PRDM6: variants seen among roughly 807,000 people sequenced by gnomAD.
PRDM6 encodes the protein putative histone-lysine N-methyltransferase PRDM6.
PRDM6 carries 25 observed loss-of-function variants against 60.8 expected under a neutral mutation model. The ratio of observed to expected loss-of-function variants is 0.41; its 90% confidence interval spans 0.30 to 0.57. The LOEUF (loss-of-function observed/expected upper bound fraction) is 0.57, where lower values mean the gene tolerates loss of function less well. Ranked by LOEUF, PRDM6 falls within the 20% of genes least tolerant of loss-of-function variation. PRDM6 has a pLI of 0.27. For missense variants in PRDM6, 839 were observed against 821.3 expected, an observed-to-expected ratio of 1.02 and a Z score of -0.26; for synonymous variants, 407 against 357.4, an observed-to-expected ratio of 1.14 and a Z score of -1.57.
At chr5:123,093,388 A>G (rs1234132848) in intron 2 of PRDM6, among the ~76,000 whole-genome samples, 1 of 152,088 alleles carries the variant, frequency 6.6e-6, no homozygotes, top group African/African-American at 2.4e-5. Context: ...TCACCTTGAA[A>G]CTTTATTGGC....
At chr5:123,160,670 T>A (rs1765609790) in intron 5 of PRDM6, among the ~76,000 whole-genome samples, 1 of 152,240 alleles carries the variant, frequency 6.6e-6, no homozygotes, top group African/African-American at 2.4e-5. Flanking sequence ...CATTTTGTCT[T>A]TAATTTCTTT....
chr5:123,168,491 T>C (rs1364981636), intron 5 of PRDM6, among the ~76,000 whole-genome samples: 1 of 152,228 alleles, frequency 6.6e-6, no homozygotes, highest in African/African-American at 2.4e-5. Context: ...CTGGACCTTC[T>C]TGGGACTCGG....
Position 123,099,907 on chromosome 5 carries a change from G to A in PRDM6, c.846G>A (p.Leu282=), listed in dbSNP as rs1400741767. Residue 282 remains leucine, a synonymous_variant, in exon 3 of 8, where the codon CTG becomes CTA. Transcript: ENST00000407847. This position sits in a 1 kb window ranked among gnomAD's most constrained non-coding sequence, Gnocchi z 4.0. ...TWIGPFQGVL[L]PPEKVQAGAV... ...TTGGACCTTTCCAAGGCGTGCTTCT[G>A]CCCCCAGAGAAGGTGCAGGCAGGCG... 3 of 1,547,576 alleles carry A rather than the reference G, an allele frequency of 1.9e-6. No individual in the cohort carries two copies. The highest frequency in any genetic ancestry group is 2.4e-5 in the South Asian group (2 of 83,210).
chr5:123,164,719 G>T (rs144206670), intron 5 of PRDM6, among the ~76,000 whole-genome samples: 2 of 152,276 alleles, frequency 1.3e-5, no homozygotes, highest in South Asian at 2.1e-4. Flanking sequence ...GACTTTTTGC[G>T]TGCTGTAGGA....
intron 3 of PRDM6, among the ~76,000 whole-genome samples, chr5:123,153,240 A>G (rs889306543): frequency 6.7e-6 from 1 of 148,314 alleles, no homozygotes; most frequent in African/African-American, 2.5e-5. Context: ...CTTTTCATTT[A>G]TTTTTTTCTC....
chr5:123,161,916 G>A (rs1316791132), intron 5 of PRDM6, among the ~76,000 whole-genome samples: 2 of 152,216 alleles, frequency 1.3e-5, no homozygotes, highest in Non-Finnish European at 2.9e-5. Context: ...AGAGGCTCTT[G>A]CAGAAATCCA....
intron 5 of PRDM6, among the ~76,000 whole-genome samples, chr5:123,161,202 G>C (rs1765622945): frequency 6.6e-6 from 1 of 152,298 alleles, no homozygotes; most frequent in African/African-American, 2.4e-5. Context: ...GGGATGTCTA[G>C]AGTAAACAAC....
At chr5:123,162,510 G>A (rs553942289) in intron 5 of PRDM6, among the ~76,000 whole-genome samples, 31 of 152,234 alleles carry the variant, frequency 2.0e-4, no homozygotes, top group African/African-American at 7.2e-4. Flanking sequence ...ATATCATTTA[G>A]CACCTGAAGT....
chr5:123,171,666 C>T (rs1765892295), intron 6 of PRDM6, among the ~76,000 whole-genome samples: 1 of 152,162 alleles, frequency 6.6e-6, no homozygotes, highest in African/African-American at 2.4e-5. Flanking sequence ...ATTCAATAAA[C>T]TAATATCCAC....
intron 3 of PRDM6, among the ~76,000 whole-genome samples, chr5:123,100,341 T>C (rs534387713): frequency 6.6e-4 from 101 of 152,300 alleles, no homozygotes; most frequent in African/African-American, 2.3e-3. Context: ...GGCATTAGAA[T>C]GTTTGAGCTG....
At chr5:123,155,284 T>A (rs918704861) in intron 3 of PRDM6, among the ~76,000 whole-genome samples, 4 of 140,332 alleles carry the variant, frequency 2.9e-5, no homozygotes, top group Non-Finnish European at 6.3e-5. Flanking sequence ...TTTTTTTTTT[T>A]AATGACTCCT....
At chr5:123,171,132 C>T (rs1765882184) in intron 6 of PRDM6, 24 bp downstream of exon 6, 1 of 1,501,800 alleles carries the variant, frequency 6.7e-7, no homozygotes, top group Non-Finnish European at 8.9e-7. Flanking sequence ...TCACTGCTGA[C>T]AGTGTGTTTG....
chr5:123,149,935 G>A (rs335155), intron 3 of PRDM6, among the ~76,000 whole-genome samples: 109,333 of 152,088 alleles, frequency 0.72, 39,452 homozygotes, highest in Non-Finnish European at 0.75. Flanking sequence ...CCTGCCCTCA[G>A]TGAGTTTATG....
intron 3 of PRDM6, among the ~76,000 whole-genome samples, chr5:123,107,179 A>T (rs961431122): frequency 1.3e-5 from 2 of 152,248 alleles, no homozygotes; most frequent in Non-Finnish European, 2.9e-5. Context: ...TCAGTAGCAC[A>T]GATTTTGATA....
intron 6 of PRDM6, among the ~76,000 whole-genome samples, chr5:123,177,527 C>T (rs1236298774): frequency 6.6e-6 from 1 of 152,052 alleles, no homozygotes; most frequent in Non-Finnish European, 1.5e-5. Flanking sequence ...AGGTTTGGTC[C>T]TATATTTTGG....
In PRDM6 at chr5:123,159,497, T is replaced by G. The variant is rs1765579704; in HGVS notation, c.1029-17T>G. On this transcript the variant is annotated splice_polypyrimidine_tract_variant and intron_variant, in intron 4 of 7. Transcript: ENST00000407847. Reference sequence around the variant, plus strand: ...TCCTATGTATTACTAAGCTGGGTTTTCTTTTGTTTTGAATAGGTCGAATAT... The same window carrying G: ...TCCTATGTATTACTAAGCTGGGTTTGCTTTTGTTTTGAATAGGTCGAATAT... The G allele has an allele frequency of 6.5e-7, 1 of 1,549,212 alleles. No individual in the cohort carries two copies. Among genetic ancestry groups the G allele is most frequent in the Non-Finnish European group, 8.7e-7 (1 of 1,146,098 alleles).
chr5:123,168,127 T>A (rs921179680), intron 5 of PRDM6, among the ~76,000 whole-genome samples: 1 of 152,236 alleles, frequency 6.6e-6, no homozygotes, highest in African/African-American at 2.4e-5. Context: ...TAATATATTT[T>A]TTAAGTGTAA....
chr5:123,164,334 C>A (rs1765706944), intron 5 of PRDM6, among the ~76,000 whole-genome samples: 1 of 152,136 alleles, frequency 6.6e-6, no homozygotes, highest in Non-Finnish European at 1.5e-5. Context: ...GAACCAGGAA[C>A]CAAAAGATAC....
Position 123,099,762 on chromosome 5 carries a change from C to G in PRDM6, c.701C>G (p.Pro234Arg). 2 of 1,547,086 alleles carry G rather than the reference C, an allele frequency of 1.3e-6. No homozygotes were observed. Among genetic ancestry groups the G allele is most frequent in the South Asian group, 1.2e-5 (1 of 83,684 alleles). Residue 234 changes from proline to arginine, a missense_variant, in exon 3 of 8, where the codon CCG becomes CGG. By Grantham distance (103) the Pro-to-Arg change is moderately radical. Coordinates refer to ENST00000407847, the MANE Select transcript of PRDM6 (RefSeq NM_001136239.4). This position sits in a 1 kb window ranked among gnomAD's most constrained non-coding sequence, Gnocchi z 4.0. Reference sequence around the variant, plus strand: ...AGCAGCGCTGCGGCCGCCGCGCCCCCGCCGGAGCTGCCGGAGTGGCTGCGG... The same window carrying G: ...AGCAGCGCTGCGGCCGCCGCGCCCCGGCCGGAGCTGCCGGAGTGGCTGCGG... ...GTSSAAAAAP[P>R]PELPEWLRDL...
Sources: allele counts gnomAD v4.1 joint callset (sites outside exome capture counted in the v4.1 genomes callset), GRCh38; gene constraint gnomAD v4.1.1; non-coding constraint Gnocchi (gnomAD v3.1); transcripts MANE v1.5; gene names NCBI Gene and HGNC (gene_info 2026-07-23, HGNC 2026-07-21).